Variants in VPS53 observed in about 807,000 individuals in gnomAD.
VPS53 encodes the protein VPS53 subunit of GARP complex.
A neutral mutation model predicts 107.0 loss-of-function variants in VPS53; 70 were observed. That is an observed-to-expected ratio of 0.65 (90% CI 0.54 to 0.80). The LOEUF (loss-of-function observed/expected upper bound fraction) is 0.80. VPS53 is among the 30% of genes least tolerant of loss of function. VPS53 has a pLI of 0.00. For synonymous variants in VPS53, 409 were observed against 393.3 expected, an observed-to-expected ratio of 1.04 and a Z score of -0.47; for missense variants, 917 against 1,049.4, an observed-to-expected ratio of 0.87 and a Z score of 1.74.
intron 13 of VPS53, among the ~76,000 whole-genome samples, chr17:572,258 G>A (rs1391849977): frequency 2.0e-5 from 3 of 147,404 alleles, no homozygotes; most frequent in Non-Finnish European, 4.5e-5. Flanking sequence ...GGTGAGGAGC[G>A]TCTCTGCCCA....
chr17:560,166 C>G (rs1315596943), intron 15 of VPS53, among the ~76,000 whole-genome samples: 1 of 152,208 alleles, frequency 6.6e-6, no homozygotes, highest in East Asian at 1.9e-4. Context: ...ACAGGTCATG[C>G]CCTTTGAGGA....
chr17:682,369 C>T (rs1468783076), intron 4 of VPS53, among the ~76,000 whole-genome samples: 1 of 152,044 alleles, frequency 6.6e-6, no homozygotes, highest in Non-Finnish European at 1.5e-5. Flanking sequence ...AAACTGAAAA[C>T]CACAACTTTT....
rs957117043 is a variant in VPS53, at chr17:519,795, G to C, written c.2328+31C>G. On this transcript the variant is annotated intron_variant, in intron 21 of 21. Coordinates refer to ENST00000437048, the MANE Select transcript of VPS53 (RefSeq NM_001128159.3). This position sits in a 1 kb window ranked among gnomAD's most constrained non-coding sequence, Gnocchi z 5.0. ...GAACCGCTGAGTGTGAGGGGGATGA[G>C]CAGGTGTGGACCAAATGTCCCGGCA... 6.9e-7 allele frequency: 1 copy of C among 1,444,532 alleles called. No individual in the cohort carries two copies. Among genetic ancestry groups the C allele is most frequent in the Non-Finnish European group, 9.5e-7 (1 of 1,049,438 alleles). 89.5% of individuals were successfully genotyped at this position (1,444,532 alleles called of 1,614,324 possible).
chr17:621,284 G>A (rs1369803477), intron 11 of VPS53, among the ~76,000 whole-genome samples: 2 of 152,192 alleles, frequency 1.3e-5, no homozygotes, highest in Non-Finnish European at 2.9e-5. Context: ...TTAAACTGCT[G>A]TGTAGCATCT....
rs182451942 is a variant in VPS53, at chr17:629,724, C to T, written c.688-1493G>A. 5.4e-3 allele frequency among the ~76,000 whole-genome samples: 815 copies of T among 150,852 alleles called. 7 individuals carry two copies. The highest frequency in any genetic ancestry group is 0.015 in the African/African-American group (617 of 41,004). On this transcript the variant is annotated intron_variant, in intron 8 of 21. Coordinates refer to ENST00000437048, the MANE Select transcript of VPS53 (RefSeq NM_001128159.3). ...CTTGCAGTGAGCCGAGATCGCACCA[C>T]GACACTCCAGCCTGGGCAACGGAGC... is the stretch of plus-strand genomic sequence containing the variant.
intron 19 of VPS53, among the ~76,000 whole-genome samples, chr17:526,067 GTAGT>G (rs1407977367): frequency 6.7e-6 from 1 of 148,232 alleles, no homozygotes; most frequent in Non-Finnish European, 1.5e-5. Flanking sequence ...GCTGAGCTGA[GTAGT>G]TAGTTACTGT....
intron 2 of VPS53, among the ~76,000 whole-genome samples, chr17:704,965 TC>T (rs1289011170): frequency 2.1e-4 from 32 of 152,318 alleles, no homozygotes; most frequent in African/African-American, 7.7e-4. Context: ...TAAAGGCTTT[TC>T]GTGAAATCTC....
intron 5 of VPS53, among the ~76,000 whole-genome samples, chr17:660,332 A>G (rs1416674857): frequency 6.6e-6 from 1 of 152,214 alleles, no homozygotes; most frequent in Non-Finnish European, 1.5e-5. Context: ...CAAAGGAACC[A>G]GCACACTGCT....
intron 12 of VPS53, among the ~76,000 whole-genome samples, chr17:598,746 G>A (rs1968137673): frequency 7.7e-6 from 1 of 130,572 alleles, no homozygotes; most frequent in Admixed American, 7.9e-5. Flanking sequence ...TCTGAGAAGT[G>A]AGGAGCCCCT....
At chr17:655,278 AT>A (rs1567712779) in intron 6 of VPS53, among the ~76,000 whole-genome samples, 2 of 152,122 alleles carry the variant, frequency 1.3e-5, no homozygotes, top group Non-Finnish European at 2.9e-5. Flanking sequence ...GTTCTGATGT[AT>A]CATTCCCTCT....
intron 13 of VPS53, 120 bp downstream of exon 13, chr17:586,150 G>A (rs1967299174): frequency 2.5e-6 from 2 of 784,754 alleles, no homozygotes; most frequent in Non-Finnish European, 4.3e-6. Flanking sequence ...TTTCTAGGGA[G>A]GGTCACAGGC....
chr17:709,312 C>G (rs1973548207), intron 2 of VPS53, among the ~76,000 whole-genome samples: 1 of 152,140 alleles, frequency 6.6e-6, no homozygotes, highest in African/African-American at 2.4e-5. Context: ...TGTCTTTCTC[C>G]CTACACTAGA....
intron 10 of VPS53, among the ~76,000 whole-genome samples, chr17:626,603 A>C (rs917774385): frequency 6.6e-6 from 1 of 152,016 alleles, no homozygotes; most frequent in Non-Finnish European, 1.5e-5. Context: ...GAATGCAGTA[A>C]ATGGAGGTGG....
At chr17:575,247 G>A (rs186855147) in intron 13 of VPS53, among the ~76,000 whole-genome samples, 1 of 152,372 alleles carries the variant, frequency 6.6e-6, no homozygotes, top group East Asian at 1.9e-4. Flanking sequence ...ATAAAATCAC[G>A]TGAGTGAATA....
At chr17:539,799 G>A (rs921742670) in intron 17 of VPS53, among the ~76,000 whole-genome samples, 1 of 152,110 alleles carries the variant, frequency 6.6e-6, no homozygotes, top group Non-Finnish European at 1.5e-5. Flanking sequence ...CTAAACATAC[G>A]TCGTCTCATT....
At chr17:662,805 G>GAAAAAAAGAAAGAGAAAGAA (rs1971508606) in intron 4 of VPS53, among the ~76,000 whole-genome samples, 1 of 147,138 alleles carries the variant, frequency 6.8e-6, no homozygotes, top group Non-Finnish European at 1.5e-5. Context: ...GAGAAAGAAA[G>GAAAAAAAGAAAGAGAAAGAA]AAAAAAAGAA....
chr17:555,382 C>T (rs370666364), intron 15 of VPS53, among the ~76,000 whole-genome samples: 9 of 152,356 alleles, frequency 5.9e-5, no homozygotes, highest in African/African-American at 2.2e-4. Flanking sequence ...CCTCCAGGCT[C>T]CTCACTTTTT....
chr17:696,791 C>CTTTTTT (rs67948585), intron 4 of VPS53, among the ~76,000 whole-genome samples: 7 of 113,800 alleles, frequency 6.2e-5, no homozygotes, highest in Admixed American at 1.1e-4. Context: ...ACTTATAAAA[C>CTTTTTT]TTTTTTTTTT....
rs373115566 is a variant in VPS53, at chr17:518,038, T to G, written c.*1090A>C. On this transcript the variant is annotated 3_prime_UTR_variant, in exon 22 of 22. Coordinates refer to ENST00000437048, the MANE Select transcript of VPS53 (RefSeq NM_001128159.3). ...CTCCTGCCTTGGTCTCCCAAAGTGT[T>G]GCGACTACAGGCATGAGCCGCCGTG... is the stretch of plus-strand genomic sequence containing the variant. 5.2e-5 allele frequency: 8 copies of G among 152,438 alleles called. No individual in the cohort carries two copies. The East Asian group carries it at 9.6e-4, about 18-fold the overall frequency. 9.4% of individuals were successfully genotyped at this position (152,438 alleles called of 1,614,324 possible).
Sources: gnomAD v4.1 joint callset for allele counts (sites outside exome capture counted in the v4.1 genomes callset) on GRCh38, gnomAD v4.1.1 for gene constraint, Gnocchi (gnomAD v3.1) non-coding constraint, MANE v1.5 for transcripts, NCBI Gene and HGNC (gene_info 2026-07-23, HGNC 2026-07-21) for gene names.